UBASH3A: variants seen among roughly 807,000 people sequenced by gnomAD.
UBASH3A encodes the protein ubiquitin-associated and SH3 domain-containing protein A.
Under a neutral mutation model 73.5 loss-of-function variants are expected in UBASH3A, and 63 were observed. The ratio of observed to expected loss-of-function variants is 0.86; its 90% CI spans 0.70 to 1.06. The LOEUF (loss-of-function observed/expected upper bound fraction) is 1.06, where lower values mean the gene tolerates loss of function less well. Ranked by LOEUF, UBASH3A falls within the 50% of genes least tolerant of loss-of-function variation. UBASH3A has a pLI of 0.00. For missense variants in UBASH3A, 860 were observed against 859.0 expected, an observed-to-expected ratio of 1.00 and a Z score of -0.02; for synonymous variants, 363 against 351.1, an observed-to-expected ratio of 1.03 and a Z score of -0.38.
intron 7 of UBASH3A, among the ~76,000 whole-genome samples, chr21:42,422,929 A>G (rs572761277): frequency 5.3e-5 from 8 of 152,354 alleles, no homozygotes; most frequent in Admixed American, 3.9e-4. Flanking sequence ...AGTGGGAGCC[A>G]GGAGAATGGA....
chr21:42,417,496 T>C (rs766306229), intron 6 of UBASH3A: 2 of 151,688 alleles, frequency 1.3e-5, no homozygotes, highest in African/African-American at 2.4e-5. Context: ...TTTTGCTTAT[T>C]AATTCTTTTT....
intron 11 of UBASH3A, among the ~76,000 whole-genome samples, chr21:42,442,141 G>C (rs867965729): frequency 6.6e-6 from 1 of 152,082 alleles, no homozygotes. Flanking sequence ...AGCTGTGCTG[G>C]GTGATCAGGT....
intron 3 of UBASH3A, chr21:42,410,223 T>A: frequency 1.4e-6 from 1 of 698,480 alleles, no homozygotes; most frequent in South Asian, 1.5e-5. Flanking sequence ...ACAAGAAGAA[T>A]GTGGGAGCTG....
At position 42,447,098 on chromosome 21, in the gene UBASH3A, G is replaced by T. The variant is rs757479277; in HGVS notation, c.1890G>T (p.Glu630Asp). 1.4e-5 allele frequency: 23 copies of T among 1,613,940 alleles called. No homozygotes were observed. Among genetic ancestry groups the T allele is most frequent in the Non-Finnish European group, 1.4e-5 (17 of 1,179,984 alleles). Reference protein sequence around the residue: ...LGMCFCEENKEEGKWELVNPP... With the variant: ...LGMCFCEENKDEGKWELVNPP... ...TGTGCTTCTGTGAAGAAAATAAAGAGGAAGGAAAATGGGAGTTGGTGAACC... is the reference window on the plus strand; with the variant it reads ...TGTGCTTCTGTGAAGAAAATAAAGATGAAGGAAAATGGGAGTTGGTGAACC... The change falls in exon 15 of 15, where the codon GAG becomes GAT. Residue 630 changes from glutamate to aspartate, a missense_variant. By Grantham distance (45) the Glu-to-Asp change is conservative. Coordinates refer to ENST00000319294, the MANE Select transcript of UBASH3A (RefSeq NM_018961.4).
chr21:42,446,806 G>A (rs974946033), intron 14 of UBASH3A, among the ~76,000 whole-genome samples: 3 of 152,150 alleles, frequency 2.0e-5, no homozygotes, highest in Non-Finnish European at 4.4e-5. Flanking sequence ...GCTAGGTGTC[G>A]GCAGCACCTC....
chr21:42,419,293 A>G (rs35891494), intron 7 of UBASH3A, among the ~76,000 whole-genome samples: 4,833 of 152,298 alleles, frequency 0.032, 85 homozygotes, highest in Non-Finnish European at 0.04. Context: ...CAGAATCATC[A>G]GATACTGGTT....
intron 1 of UBASH3A, among the ~76,000 whole-genome samples, chr21:42,405,883 A>C (rs531685180): frequency 8.5e-5 from 12 of 141,986 alleles, no homozygotes; most frequent in Middle Eastern, 3.7e-3. Flanking sequence ...GAGGTGTGGG[A>C]GGCGAGCCTG....
rs2146611546 is a variant in UBASH3A, at chr21:42,443,479, A to T, written c.1738+61A>T. ...TGGGGCTTGGGGAATTATCTCTGAG[A>T]TGGAAATTGGCCAATTTTCTGAACC... On this transcript the variant is annotated intron_variant, in intron 13 of 14. Transcript: ENST00000319294. The T allele has an allele frequency of 8.4e-6, 12 of 1,435,366 alleles. No individual in the cohort carries two copies. The South Asian group carries it at 1.5e-4, about 18-fold the overall frequency. The allele number at this position is 1,435,366 out of a possible 1,614,324, so 88.9% of individuals were successfully genotyped here. A position where few individuals can be genotyped will look rare whatever the true frequency, so the allele number is the denominator to read the frequency against.
chr21:42,439,073 G>C (rs556621146), intron 11 of UBASH3A, among the ~76,000 whole-genome samples: 1 of 152,016 alleles, frequency 6.6e-6, no homozygotes, highest in Non-Finnish European at 1.5e-5. Flanking sequence ...CGTCAGAGAC[G>C]CTCCCTCAGA....
At chr21:42,429,447 G>T (rs369599289) in intron 8 of UBASH3A, among the ~76,000 whole-genome samples, 5 of 152,214 alleles carry the variant, frequency 3.3e-5, no homozygotes, top group African/African-American at 1.2e-4. Context: ...CTGTGGCAAA[G>T]CTCCACAGAA....
At chr21:42,438,086 T>C (rs541059349) in intron 11 of UBASH3A, among the ~76,000 whole-genome samples, 3 of 152,316 alleles carry the variant, frequency 2.0e-5, no homozygotes, top group Admixed American at 2.0e-4. Context: ...GGAGAGCAGC[T>C]TGTTCCAGAG....
At chr21:42,430,775 C>G (rs1256808122) in intron 8 of UBASH3A, among the ~76,000 whole-genome samples, 1 of 152,212 alleles carries the variant, frequency 6.6e-6, no homozygotes, top group Admixed American at 6.5e-5. Flanking sequence ...GCTTCATGGA[C>G]CAGCATGTGA....
At chr21:42,432,049 C>A in intron 8 of UBASH3A, 54 bp from the exon 9 acceptor site, 1 of 1,124,496 alleles carries the variant, frequency 8.9e-7, no homozygotes, top group Non-Finnish European at 1.3e-6. Context: ...TGGTGCAAGT[C>A]CAGTGAGTTG....
intron 9 of UBASH3A, 75 bp from the exon 10 acceptor site, chr21:42,434,757 G>A: frequency 6.7e-7 from 1 of 1,501,894 alleles, no homozygotes; most frequent in Non-Finnish European, 9.0e-7. Flanking sequence ...AGTGGGTCTT[G>A]GTCTTGGGAG....
chr21:42,406,227 T>C, intron 1 of UBASH3A, 81 bp from the exon 2 acceptor site: 1 of 1,172,748 alleles, frequency 8.5e-7, no homozygotes, highest in East Asian at 2.3e-5. Context: ...ATCCTGGGTG[T>C]GCAAGGCCAC....
At chr21:42,446,944 G>A in intron 14 of UBASH3A, 113 bp from the exon 15 acceptor site, 13 of 1,217,408 alleles carry the variant, frequency 1.1e-5, no homozygotes, top group Non-Finnish European at 1.5e-5. Context: ...GCCAGCCTGG[G>A]CAGTCGCAGA....
rs373989608 is a variant in UBASH3A at position 42,421,630 on chromosome 21, T to C, written c.1046+3021T>C. ...TTCCAGCATCTATACATCCAGGGAA[T>C]TATTTTCTGTACCCTTCCTAATGAG... On this transcript the variant is annotated intron_variant, in intron 7 of 14. Coordinates refer to ENST00000319294, the MANE Select transcript of UBASH3A (RefSeq NM_018961.4). Among the ~76,000 whole-genome samples the C allele has an allele frequency of 2.0e-5, 3 of 152,352 alleles. 1 individual carries two copies. The highest frequency in any genetic ancestry group is 1.9e-4 in the East Asian group (1 of 5,192).
intron 3 of UBASH3A, among the ~76,000 whole-genome samples, chr21:42,411,421 CAT>C (rs1252550003): frequency 2.0e-5 from 3 of 151,932 alleles, no homozygotes; most frequent in African/African-American, 7.3e-5. Flanking sequence ...CATGCACATA[CAT>C]AGACAAATGC....
chr21:42,425,546 C>A (rs929124568), intron 7 of UBASH3A, among the ~76,000 whole-genome samples: 1 of 152,214 alleles, frequency 6.6e-6, no homozygotes. Context: ...TATCTATATT[C>A]TTGGTCTACT....
Sources: gnomAD v4.1 joint callset for allele counts (sites outside exome capture counted in the v4.1 genomes callset) on GRCh38, gnomAD v4.1.1 for gene constraint, MANE v1.5 for transcripts, NCBI Gene and HGNC (gene_info 2026-07-23, HGNC 2026-07-21) for gene names.